SLC16A9: variants seen among roughly 807,000 people sequenced by gnomAD.
SLC16A9 encodes solute carrier family 16 member 9.
In SLC16A9, 26 loss-of-function variants were observed where a neutral mutation model predicts 44.3. That is an observed-to-expected ratio of 0.59 (90% CI 0.43 to 0.81). SLC16A9 has a LOEUF of 0.81. Ranked by LOEUF, SLC16A9 falls within the 40% of genes least tolerant of loss-of-function variation. The pLI is 0.00. For synonymous variants in SLC16A9, 230 were observed against 225.1 expected (o/e 1.02, Z -0.19); for missense variants, 559 against 595.8 (o/e 0.94, Z 0.64).
chr10:59,664,204 C>G (rs772828587), intron 4 of SLC16A9, 23 bp downstream of exon 4: 1 of 1,547,376 alleles, frequency 6.5e-7, no homozygotes, highest in East Asian at 2.3e-5. Context: ...GGTGACAATA[C>G]TGTACTCATT....
intron 1 of SLC16A9, among the ~76,000 whole-genome samples, chr10:59,696,445 T>G (rs1367022519): frequency 6.6e-6 from 1 of 152,182 alleles, no homozygotes; most frequent in Non-Finnish European, 1.5e-5. Flanking sequence ...GCGTGATCTC[T>G]GCTCGCTACA....
chr10:59,708,139 G>T (rs1310130445), intron 1 of SLC16A9, among the ~76,000 whole-genome samples: 1 of 152,074 alleles, frequency 6.6e-6, no homozygotes, highest in Non-Finnish European at 1.5e-5. Flanking sequence ...ACTTTTTTTT[G>T]ATGGTGGAGG....
chr10:59,701,901 A>C (rs1840531856), intron 1 of SLC16A9, among the ~76,000 whole-genome samples: 1 of 152,184 alleles, frequency 6.6e-6, no homozygotes, highest in Non-Finnish European at 1.5e-5. Context: ...GTGAAACTCT[A>C]CATCAGTCAT....
At chr10:59,653,105 T>G (rs1839248145) in intron 5 of SLC16A9, among the ~76,000 whole-genome samples, 155 bp from the exon 6 acceptor site, 1 of 152,008 alleles carries the variant, frequency 6.6e-6, no homozygotes, top group African/African-American at 2.4e-5. Context: ...AAGAAGAGAA[T>G]CTCTCAAATA....
At chr10:59,675,331 T>C (rs372182783) in intron 2 of SLC16A9, among the ~76,000 whole-genome samples, 2 of 152,144 alleles carry the variant, frequency 1.3e-5, no homozygotes, top group South Asian at 2.1e-4. Flanking sequence ...GGGATCTTAA[T>C]TTTTTCCTAG....
intron 1 of SLC16A9, among the ~76,000 whole-genome samples, chr10:59,697,847 C>G: frequency 6.6e-6 from 1 of 151,204 alleles, no homozygotes; most frequent in Non-Finnish European, 1.5e-5. Flanking sequence ...CCAGTCTGTG[C>G]TACTTAGCAT....
chr10:59,652,938 T>C lies in SLC16A9; in HGVS notation c.1364A>G (p.Asp455Gly). Reference sequence around the variant, plus strand: ...TGCAATATCATAGGTCTGGGTCCAGTCATAAAACCAACCTGAAAAGGCAGT... The same window carrying C: ...TGCAATATCATAGGTCTGGGTCCAGCCATAAAACCAACCTGAAAAGGCAGT... ...LGPPIVGWFY[D>G]WTQTYDIAFY... Residue 455 changes from aspartate (D) to glycine (G), a missense_variant, in exon 6 of 6, where the codon GAC becomes GGC. Asp to Gly is a moderately conservative substitution (Grantham distance 94). Coordinates refer to ENST00000395348, the MANE Select transcript of SLC16A9 (RefSeq NM_194298.3). The C allele has an allele frequency of 6.2e-7, 1 of 1,600,912 alleles. No individual in the cohort carries two copies. The highest frequency in any genetic ancestry group is 8.5e-7 in the Non-Finnish European group (1 of 1,176,190).
chr10:59,682,217 T>G (rs543728097), intron 2 of SLC16A9, among the ~76,000 whole-genome samples: 1 of 152,150 alleles, frequency 6.6e-6, no homozygotes, highest in Admixed American at 6.5e-5. Context: ...CTTGTTGGAT[T>G]TGTGACTATG....
chr10:59,679,958 T>A lies in SLC16A9; in HGVS notation c.196+4138A>T, dbSNP rs1839950868. 2.6e-5 allele frequency among the ~76,000 whole-genome samples: 4 copies of A among 152,238 alleles called. 1 individual carries two copies. The highest frequency in any genetic ancestry group is 2.6e-4 in the Admixed American group (4 of 15,290). On this transcript the variant is annotated intron_variant, in intron 2 of 5. Transcript: ENST00000395348. The stretch of plus-strand genomic sequence containing the variant: ...TCAGAGATTGTTTTGCCATTGCTAT[T>A]CTCCTTGATATTTGTGAATTCTCAA...
intron 4 of SLC16A9, among the ~76,000 whole-genome samples, chr10:59,655,016 G>A (rs1302509819): frequency 6.6e-6 from 1 of 152,210 alleles, no homozygotes; most frequent in African/African-American, 2.4e-5. Flanking sequence ...CATCGGCTGG[G>A]TGTGGTGGCT....
chr10:59,664,725 C>A (rs1320211013), intron 3 of SLC16A9, among the ~76,000 whole-genome samples: 1 of 152,130 alleles, frequency 6.6e-6, no homozygotes, highest in Non-Finnish European at 1.5e-5. Context: ...TCTTCTAAGT[C>A]CTCTAAACAA....
intron 3 of SLC16A9, among the ~76,000 whole-genome samples, chr10:59,671,774 C>T (rs562592953): frequency 1.3e-5 from 2 of 148,958 alleles, no homozygotes; most frequent in East Asian, 3.9e-4. Flanking sequence ...TCAGACTGAG[C>T]ATCTCTAAGT....
chr10:59,675,033 C>G (rs1045896399), intron 2 of SLC16A9, among the ~76,000 whole-genome samples: 7 of 152,116 alleles, frequency 4.6e-5, no homozygotes, highest in African/African-American at 1.4e-4. Context: ...AACAGAAATT[C>G]TCTTACAGTG....
chr10:59,679,016 C>G (rs911906822), intron 2 of SLC16A9, among the ~76,000 whole-genome samples: 1 of 152,144 alleles, frequency 6.6e-6, no homozygotes, highest in Admixed American at 6.5e-5. Context: ...CATACTGACT[C>G]ATTATATTAA....
At chr10:59,688,838 G>T (rs893341920) in intron 1 of SLC16A9, among the ~76,000 whole-genome samples, 1 of 151,610 alleles carries the variant, frequency 6.6e-6, no homozygotes. Flanking sequence ...CAAAGCACCA[G>T]AATCATGAAT....
intron 2 of SLC16A9, among the ~76,000 whole-genome samples, chr10:59,674,299 C>A (rs1839813476): frequency 6.6e-6 from 1 of 152,122 alleles, no homozygotes; most frequent in Non-Finnish European, 1.5e-5. Context: ...ACATTCTTCC[C>A]AATACCAGAG....
rs551027403 is a variant in SLC16A9, at chr10:59,668,876, A to C, written c.340+3894T>G. 7.2e-5 allele frequency among the ~76,000 whole-genome samples: 11 copies of C among 151,788 alleles called. No homozygotes were observed. The East Asian group carries it at 2.2e-3, about 31-fold the overall frequency. The stretch of plus-strand genomic sequence containing the variant: ...ATCTTCAATTATATAACAATTTTGA[A>C]AGGGGGGGCTTATAAATCTCTATTT... On this transcript the variant is annotated intron_variant, in intron 3 of 5. Coordinates refer to ENST00000395348, the MANE Select transcript of SLC16A9 (RefSeq NM_194298.3).
intron 4 of SLC16A9, among the ~76,000 whole-genome samples, chr10:59,658,094 C>T (rs1196431218): frequency 6.6e-6 from 1 of 152,196 alleles, no homozygotes; most frequent in Non-Finnish European, 1.5e-5. Context: ...TTGGTCTCCA[C>T]AACCCCTTGT....
intron 1 of SLC16A9, among the ~76,000 whole-genome samples, chr10:59,694,507 A>G (rs1840325929): frequency 6.6e-6 from 1 of 152,012 alleles, no homozygotes. Context: ...TACATTAAGT[A>G]TACTAAATAT....
Sources: gnomAD v4.1 joint callset for allele counts (sites outside exome capture counted in the v4.1 genomes callset) on GRCh38, gnomAD v4.1.1 for gene constraint, MANE v1.5 for transcripts, NCBI Gene and HGNC (gene_info 2026-07-23, HGNC 2026-07-21) for gene names.